GABRG3: variants seen among roughly 807,000 people sequenced by gnomAD.
The protein encoded by GABRG3 is gamma-aminobutyric acid receptor subunit gamma-3.
A neutral mutation model predicts 48.8 loss-of-function variants in GABRG3; 25 were observed. That is an observed-to-expected ratio of 0.51 (90% confidence interval 0.37 to 0.72). GABRG3 has a LOEUF of 0.72. GABRG3 is among the 30% of genes least tolerant of loss of function. The probability of loss-of-function intolerance (pLI) is 0.00; values close to 1 mark genes in which losing one functional copy is unlikely to be tolerated. For missense variants in GABRG3, 394 were observed against 577.9 expected, an observed-to-expected ratio of 0.68 and a Z score of 3.26; for synonymous variants, 227 against 217.6, an observed-to-expected ratio of 1.04 and a Z score of -0.38.
chr15:27,261,618 CAT>C (rs1004232883), intron 3 of GABRG3, among the ~76,000 whole-genome samples: 15 of 151,538 alleles, frequency 9.9e-5, no homozygotes, highest in African/African-American at 3.1e-4. Context: ...ATTTTTAAAA[CAT>C]ATGAAATATA....
At chr15:27,523,340 CTT>C (rs1891200943) in intron 7 of GABRG3, among the ~76,000 whole-genome samples, 1 of 151,618 alleles carries the variant, frequency 6.6e-6, no homozygotes. Context: ...TCTTTCTCCT[CTT>C]TTTATGCATT....
intron 7 of GABRG3, among the ~76,000 whole-genome samples, chr15:27,524,315 C>T (rs1294140539): frequency 2.0e-5 from 3 of 151,828 alleles, no homozygotes; most frequent in Non-Finnish European, 2.9e-5. Context: ...AATCCATTCT[C>T]GGACAAAGAA....
chr15:27,230,243 C>G (rs1162604614), intron 3 of GABRG3, among the ~76,000 whole-genome samples: 2 of 152,102 alleles, frequency 1.3e-5, no homozygotes, highest in Non-Finnish European at 1.5e-5. Flanking sequence ...TAAATCGAAC[C>G]AAACCTGTAG....
chr15:27,004,168 G>A (rs1176479130), intron 2 of GABRG3, among the ~76,000 whole-genome samples: 9 of 148,952 alleles, frequency 6.0e-5, no homozygotes, highest in Non-Finnish European at 1.0e-4. Context: ...GCTGCCGGGC[G>A]GAGAGGCTCC....
At chr15:27,527,052 G>A (rs1028066823) in intron 7 of GABRG3, among the ~76,000 whole-genome samples, 2 of 152,158 alleles carry the variant, frequency 1.3e-5, no homozygotes, top group Non-Finnish European at 2.9e-5. Flanking sequence ...TTCAAACTGG[G>A]GAGGTGAGGA....
At chr15:27,216,468 A>G (rs564298763) in intron 3 of GABRG3, among the ~76,000 whole-genome samples, 10 of 152,302 alleles carry the variant, frequency 6.6e-5, no homozygotes, top group African/African-American at 2.4e-4. Flanking sequence ...GCAAGGCAGG[A>G]CCGTTGCCCT....
At chr15:27,271,664 CT>C in intron 3 of GABRG3, 1 of 454,952 alleles carries the variant, frequency 2.2e-6, no homozygotes, top group Non-Finnish European at 4.4e-6. Flanking sequence ...ACAGCCTCCC[CT>C]GGGAACCGTG....
At chr15:27,192,819 GCT>G (rs1888365588) in intron 3 of GABRG3, among the ~76,000 whole-genome samples, 1 of 152,122 alleles carries the variant, frequency 6.6e-6, no homozygotes, top group East Asian at 1.9e-4. Context: ...CAGGTTTTCT[GCT>G]CTGTTTTTTC....
At chr15:27,407,860 T>C (rs1327441266) in intron 5 of GABRG3, among the ~76,000 whole-genome samples, 1 of 152,166 alleles carries the variant, frequency 6.6e-6, no homozygotes, top group Admixed American at 6.5e-5. Context: ...TTTTGGGCAT[T>C]GAAACTACTC....
chr15:27,390,851 G>A (rs1482276046), intron 5 of GABRG3, among the ~76,000 whole-genome samples: 1 of 152,196 alleles, frequency 6.6e-6, no homozygotes, highest in African/African-American at 2.4e-5. Flanking sequence ...CACTTTGGGA[G>A]GACGTGGCGG....
At chr15:27,141,480 G>T (rs1037459050) in intron 3 of GABRG3, among the ~76,000 whole-genome samples, 1 of 152,116 alleles carries the variant, frequency 6.6e-6, no homozygotes, top group Non-Finnish European at 1.5e-5. Context: ...CAGGTCTATT[G>T]CATCTTCTAG....
chr15:27,452,195 G>T (rs1481420776), intron 5 of GABRG3, among the ~76,000 whole-genome samples: 1 of 152,198 alleles, frequency 6.6e-6, no homozygotes, highest in East Asian at 1.9e-4. Flanking sequence ...CCTCACGCCT[G>T]TTAGAATGGC....
At chr15:27,034,266 T>C (rs1010578251) in intron 3 of GABRG3, among the ~76,000 whole-genome samples, 6 of 152,228 alleles carry the variant, frequency 3.9e-5, no homozygotes, top group Admixed American at 6.5e-5. Flanking sequence ...AGTCCATCAC[T>C]GAAGATTCAG....
At chr15:27,369,806 C>CAAAAAAAAAAAAAAAAAAAAA (rs34901488) in intron 5 of GABRG3, among the ~76,000 whole-genome samples, 2 of 30,270 alleles carry the variant, frequency 6.6e-5, no homozygotes, top group African/African-American at 1.8e-4. Context: ...GACTCCGTCT[C>CAAAAAAAAAAAAAAAAAAAAA]AAAAAAAAAA....
intron 2 of GABRG3, among the ~76,000 whole-genome samples, chr15:26,983,340 C>T (rs551277487): frequency 1.3e-5 from 2 of 152,178 alleles, no homozygotes; most frequent in Admixed American, 6.5e-5. Context: ...CCTGGGAGCC[C>T]CCGGGAGGCT....
At chr15:27,280,074 ATTTT>A (rs774243656) in intron 3 of GABRG3, among the ~76,000 whole-genome samples, 34 of 151,616 alleles carry the variant, frequency 2.2e-4, no homozygotes, top group Non-Finnish European at 2.9e-5. Context: ...AGAACTAGTG[ATTTT>A]TTTTAATTAG....
At chr15:27,010,725 T>C (rs1220933005) in intron 2 of GABRG3, among the ~76,000 whole-genome samples, 1 of 152,220 alleles carries the variant, frequency 6.6e-6, no homozygotes, top group East Asian at 1.9e-4. Context: ...GTTGTAGATG[T>C]GGGACATGCT....
At chr15:27,495,594 T>C (rs1890466704) in intron 6 of GABRG3, among the ~76,000 whole-genome samples, 1 of 152,250 alleles carries the variant, frequency 6.6e-6, no homozygotes, top group South Asian at 2.1e-4. Context: ...ACTGATCTCC[T>C]CTGTGTTCTG....
chr15:27,217,866 G>A (rs1481750993), intron 3 of GABRG3, among the ~76,000 whole-genome samples: 2 of 152,160 alleles, frequency 1.3e-5, no homozygotes, highest in East Asian at 1.9e-4. Context: ...TCTTCCCAGC[G>A]GGACGGCTGT....
Sources: gnomAD v4.1 joint callset for allele counts (sites outside exome capture counted in the v4.1 genomes callset) on GRCh38, gnomAD v4.1.1 for gene constraint, MANE v1.5 for transcripts, NCBI Gene and HGNC (gene_info 2026-07-23, HGNC 2026-07-21) for gene names.